Variants in TENM3 observed in about 807,000 individuals in gnomAD.
TENM3 encodes the protein teneurin transmembrane protein 3.
A neutral mutation model predicts 255.1 loss-of-function variants in TENM3; 63 were observed. That is an observed-to-expected ratio of 0.25 (90% CI 0.20 to 0.30). The LOEUF is 0.30. Ranked by LOEUF, TENM3 falls within the 10% of genes least tolerant of loss-of-function variation. TENM3 has a pLI of 1.00. For synonymous variants in TENM3, 1,306 were observed against 1,322.3 expected, an observed-to-expected ratio of 0.99 and a Z score of 0.27; for missense variants, 2,929 against 3,461.1, an observed-to-expected ratio of 0.85 and a Z score of 3.86.
intron 3 of TENM3, among the ~76,000 whole-genome samples, chr4:182,439,561 AT>A (rs1434746371): frequency 6.6e-6 from 1 of 152,238 alleles, no homozygotes; most frequent in Admixed American, 6.5e-5. Flanking sequence ...CATAATAGGC[AT>A]TCAATAAATG....
chr4:181,481,449 G>T, the TENM3 span, among the ~76,000 whole-genome samples: 1 of 152,068 alleles, frequency 6.6e-6, no homozygotes, highest in South Asian at 2.1e-4. Flanking sequence ...TTCCAATTTG[G>T]AAACATATTT....
At chr4:181,889,379 C>T in the TENM3 span, among the ~76,000 whole-genome samples, 1 of 152,128 alleles carries the variant, frequency 6.6e-6, no homozygotes, top group African/African-American at 2.4e-5. Context: ...CTGAGGACCT[C>T]ACCAGAAGCA....
chr4:182,357,121 T>G (rs993780837), intron 3 of TENM3, among the ~76,000 whole-genome samples: 4 of 152,196 alleles, frequency 2.6e-5, no homozygotes, highest in African/African-American at 9.6e-5. Context: ...CTATCGTTGT[T>G]GGACATTTGG....
chr4:182,456,864 G>A lies in TENM3; in HGVS notation c.511+109935G>A, dbSNP rs562534376. 2.0e-5 allele frequency among the ~76,000 whole-genome samples: 3 copies of A among 152,224 alleles called. No homozygotes were observed. The South Asian group carries it at 6.2e-4, about 32-fold the overall frequency. On this transcript the variant is annotated intron_variant, in intron 3 of 27. Coordinates refer to ENST00000511685, the MANE Select transcript of TENM3 (RefSeq NM_001080477.4). Reference sequence around the variant, plus strand: ...AGAAACTCCGTATTTCTGCTCTCTTGCTCCATCTTCATCTACCTTAAGAAC... The same window carrying A: ...AGAAACTCCGTATTTCTGCTCTCTTACTCCATCTTCATCTACCTTAAGAAC...
At chr4:182,351,092 CT>C (rs5864780) in intron 3 of TENM3, among the ~76,000 whole-genome samples, 19 of 151,290 alleles carry the variant, frequency 1.3e-4, no homozygotes, top group African/African-American at 4.6e-4. Context: ...GAACAAAGGG[CT>C]TTTTTTTATT....
intron 3 of TENM3, among the ~76,000 whole-genome samples, chr4:182,571,847 C>T (rs943484235): frequency 6.6e-6 from 1 of 152,088 alleles, no homozygotes; most frequent in Non-Finnish European, 1.5e-5. Context: ...TGTTGTGAAA[C>T]AAAAACCAAA....
intron 1 of TENM3, among the ~76,000 whole-genome samples, chr4:182,199,965 G>A (rs1754079275): frequency 6.6e-6 from 1 of 152,032 alleles, no homozygotes; most frequent in Admixed American, 6.6e-5. Flanking sequence ...AGGTTCAAGT[G>A]ATCTGCCTGC....
intron 1 of TENM3, among the ~76,000 whole-genome samples, chr4:182,284,800 TAGC>T (rs1397020621): frequency 6.6e-6 from 1 of 152,182 alleles, no homozygotes; most frequent in African/African-American, 2.4e-5. Context: ...TTATAATTGT[TAGC>T]AGTGGTGGCG....
chr4:182,437,468 G>A (rs1455096226), intron 3 of TENM3, among the ~76,000 whole-genome samples: 2 of 141,896 alleles, frequency 1.4e-5, no homozygotes, highest in African/African-American at 5.3e-5. Context: ...GGGCAACATG[G>A]CAAAACCTTG....
the TENM3 span, among the ~76,000 whole-genome samples, chr4:181,622,776 T>A: frequency 6.6e-6 from 1 of 152,132 alleles, no homozygotes; most frequent in Non-Finnish European, 1.5e-5. Context: ...TAAATTAGGT[T>A]TGCCTTGGCC....
the TENM3 span, among the ~76,000 whole-genome samples, chr4:181,721,558 C>A: frequency 3.8e-5 from 1 of 26,142 alleles, no homozygotes; most frequent in Admixed American, 6.5e-4. Flanking sequence ...CGAGATCGCG[C>A]CACTGCACTC....
At chr4:181,782,818 G>T in the TENM3 span, among the ~76,000 whole-genome samples, 1 of 152,130 alleles carries the variant, frequency 6.6e-6, no homozygotes, top group African/African-American at 2.4e-5. Context: ...CTGGTGTGTT[G>T]TGTCTTTGTT....
rs892247525 is a variant in TENM3, at chr4:182,779,979, C to T, written c.5304+4826C>T. Reference sequence around the variant, plus strand: ...AGCCCTTTGTCAGATGAGTAGGTTGCGAAAATTTTCTCCCATTTTGTAGGT... The same window carrying T: ...AGCCCTTTGTCAGATGAGTAGGTTGTGAAAATTTTCTCCCATTTTGTAGGT... On this transcript the variant is annotated intron_variant, in intron 24 of 27. Transcript: ENST00000511685. Among the ~76,000 whole-genome samples the T allele has an allele frequency of 6.0e-5, 9 of 150,394 alleles. No homozygotes were observed. In the South Asian group the frequency reaches 6.3e-4, roughly 11 times the overall value.
At chr4:182,302,572 A>G (rs1761911498) in intron 1 of TENM3, among the ~76,000 whole-genome samples, 1 of 152,182 alleles carries the variant, frequency 6.6e-6, no homozygotes, top group Admixed American at 6.5e-5. Flanking sequence ...TTGAATAGAA[A>G]CATCATTCAT....
At chr4:182,720,641 AGCAGAGGACTTCAGTAGCTTCCT>A (rs1057295092) in intron 13 of TENM3, among the ~76,000 whole-genome samples, 47 of 152,316 alleles carry the variant, frequency 3.1e-4, no homozygotes, top group Non-Finnish European at 6.2e-4. Context: ...TGCCCTATAA[AGCAGAGGACTTCAGTAGCTTCCT>A]GCTAGGACTC....
intron 22 of TENM3, among the ~76,000 whole-genome samples, chr4:182,772,059 G>A (rs1266313267): frequency 1.3e-5 from 2 of 152,018 alleles, no homozygotes; most frequent in Admixed American, 6.6e-5. Flanking sequence ...ACAGACCTCC[G>A]TCCCTCGCCT....
chr4:182,252,402 G>GA lies in TENM3; in HGVS notation c.-76+8933dup, dbSNP rs1443142664. ...ATTGCTTTCATGGAGATTTGAAAGG[G>GA]AAAAAAATTTAAATAACGATGTGAT... On this transcript the variant is annotated intron_variant, in intron 1 of 27. Coordinates refer to ENST00000511685, the MANE Select transcript of TENM3 (RefSeq NM_001080477.4). 3.9e-5 allele frequency among the ~76,000 whole-genome samples: 6 copies of GA among 152,180 alleles called. No homozygotes were observed. The East Asian group carries it at 1.2e-3, about 29-fold the overall frequency.
At chr4:182,510,832 C>A (rs74863223) in intron 3 of TENM3, among the ~76,000 whole-genome samples, 3,700 of 152,266 alleles carry the variant, frequency 0.024, 76 homozygotes, top group Middle Eastern at 0.095. Flanking sequence ...TTAGGAGAGG[C>A]AGTCTTCCAT....
the TENM3 span, among the ~76,000 whole-genome samples, chr4:181,781,434 T>C: frequency 2.0e-5 from 3 of 152,178 alleles, no homozygotes; most frequent in Non-Finnish European, 4.4e-5. Context: ...GTTATTGGTG[T>C]ATAAGAATGC....
Sources: allele counts gnomAD v4.1 joint callset (sites outside exome capture counted in the v4.1 genomes callset), GRCh38; gene constraint gnomAD v4.1.1; transcripts MANE v1.5; gene names NCBI Gene and HGNC (gene_info 2026-07-23, HGNC 2026-07-21).